SHROOM4: variants seen among roughly 807,000 people sequenced by gnomAD.
SHROOM4 encodes shroom family member 4.
SHROOM4 carries 17 observed loss-of-function variants against 80.3 expected under a neutral mutation model. That is an observed-to-expected ratio of 0.21 (90% CI 0.14 to 0.32). SHROOM4 has a LOEUF of 0.32. SHROOM4 is among the 10% of genes least tolerant of loss of function. The pLI, the probability that SHROOM4 is intolerant of heterozygous loss-of-function variation, is 1.00. For missense variants in SHROOM4, 993 were observed against 1,140.3 expected (o/e 0.87, Z 1.86); for synonymous variants, 400 against 437.5 (o/e 0.91, Z 1.07).
At chrX:50,644,059 TG>T (rs782607001) in intron 2 of SHROOM4, among the ~76,000 whole-genome samples, 315 of 112,081 alleles carry the variant, frequency 2.8e-3, no homozygotes, top group African/African-American at 6.0e-3. Context: ...TTTATATAGC[TG>T]GGGGCAAGTG....
At chrX:50,733,062 A>C (rs1934406394) in intron 1 of SHROOM4, among the ~76,000 whole-genome samples, 1 of 112,345 alleles carries the variant, frequency 8.9e-6, no homozygotes, top group Admixed American at 9.5e-5. Flanking sequence ...AGAATTATAA[A>C]ACATGGCAAG....
At chrX:50,612,033 T>A in intron 5 of SHROOM4, among the ~76,000 whole-genome samples, 1 of 110,553 alleles carries the variant, frequency 9.0e-6, no homozygotes, top group Non-Finnish European at 1.9e-5. Context: ...AAAAGAATCA[T>A]AAAAATAAAC....
intron 1 of SHROOM4, among the ~76,000 whole-genome samples, chrX:50,710,377 G>A (rs1170992369): frequency 7.2e-5 from 8 of 111,878 alleles, no homozygotes; most frequent in African/African-American, 2.6e-4. Context: ...CATGGATGCA[G>A]CTGGAAGTCA....
intron 5 of SHROOM4, among the ~76,000 whole-genome samples, chrX:50,610,185 C>A (rs1396183138): frequency 9.0e-6 from 1 of 111,364 alleles, no homozygotes; most frequent in Non-Finnish European, 1.9e-5. Context: ...TCCTCTTATC[C>A]CTCCCCCATT....
intron 1 of SHROOM4, among the ~76,000 whole-genome samples, chrX:50,795,812 C>T (rs148330544): frequency 9.6e-4 from 108 of 112,019 alleles, no homozygotes; most frequent in African/African-American, 3.4e-3. Flanking sequence ...TTCCATATGC[C>T]TCATTTTCTT....
chrX:50,580,919 C>T, the SHROOM4 span, among the ~76,000 whole-genome samples: 1 of 112,146 alleles, frequency 8.9e-6, no homozygotes, highest in Non-Finnish European at 1.9e-5. Context: ...TTGTCATTTC[C>T]TGAATACCAT....
At chrX:50,698,119 C>T (rs914312406) in intron 1 of SHROOM4, among the ~76,000 whole-genome samples, 1 of 112,451 alleles carries the variant, frequency 8.9e-6, no homozygotes, top group South Asian at 3.7e-4. Flanking sequence ...TACCATCTTT[C>T]GTTAATTAAA....
At position 50,708,828 on chromosome X, in the gene SHROOM4, A is replaced by T. The variant is rs1034140041; in HGVS notation, c.118-12891T>A. ...TATGACTTCTAAGCACATAAAAAAA[A>T]TTTAGAGGGAAGGACCAGCTGTTCT... is the stretch of plus-strand genomic sequence containing the variant. On this transcript the variant is annotated intron_variant, in intron 1 of 8. Transcript: ENST00000376020. Among the ~76,000 whole-genome samples, 7 of 111,800 alleles carry T rather than the reference A, an allele frequency of 6.3e-5. No homozygotes were observed. The East Asian group carries it at 1.1e-3, about 18-fold the overall frequency.
Position 50,598,377 on chromosome X carries a change from C to A in SHROOM4, c.4101G>T (p.Leu1367Phe), listed in dbSNP as rs28362302. 5,930 of 1,209,098 alleles carry A rather than the reference C, an allele frequency of 4.9e-3. 113 individuals carry two copies. The Admixed American group carries it at 0.074, about 15-fold the overall frequency. The change falls in exon 8 of 9, where the codon TTG (leucine) becomes TTT (phenylalanine). Residue 1367 changes from leucine (L) to phenylalanine (F), a missense_variant. Physicochemically the swap from Leu to Phe is conservative, Grantham distance 22. Coordinates refer to ENST00000376020, the MANE Select transcript of SHROOM4 (RefSeq NM_020717.5). ...CCACTTTGTCCAGGTCCCCAACAAA[C>A]AAGTGGTACTTTTCAAATTCATTGG... is the stretch of plus-strand genomic sequence containing the variant. ...CKSNEFEKYH[L>F]FVGDLDKVVN...
At chrX:50,620,885 T>C (rs1339045150) in intron 5 of SHROOM4, among the ~76,000 whole-genome samples, 1 of 111,567 alleles carries the variant, frequency 9.0e-6, no homozygotes, top group Non-Finnish European at 1.9e-5. Context: ...CCCATTTTTA[T>C]ATATATATTT....
At chrX:50,600,254 T>C (rs1287672556) in intron 7 of SHROOM4, among the ~76,000 whole-genome samples, 2 of 111,755 alleles carry the variant, frequency 1.8e-5, no homozygotes, top group Admixed American at 9.5e-5. Context: ...TCCAAACTAA[T>C]AGATACTTGT....
intron 1 of SHROOM4, among the ~76,000 whole-genome samples, chrX:50,729,287 T>G: frequency 9.0e-6 from 1 of 110,820 alleles, no homozygotes; most frequent in Non-Finnish European, 1.9e-5. Context: ...AAGAAAAGTA[T>G]GATAAAAATT....
Position 50,795,127 on chromosome X carries a change from GATAT to G in SHROOM4, c.117+18771_117+18774del, listed in dbSNP as rs1296594833. ...ATATATATATATGATATATATATAT[GATAT>G]ATATATATATATATGATATATATAT... On this transcript the variant is annotated intron_variant, in intron 1 of 8. Coordinates refer to ENST00000376020, the MANE Select transcript of SHROOM4 (RefSeq NM_020717.5). 5.6e-3 allele frequency among the ~76,000 whole-genome samples: 13 copies of G among 2,335 alleles called. 2 individuals are homozygous for G. Among genetic ancestry groups the G allele is most frequent in the Non-Finnish European group, 0.012 (10 of 853 alleles). 2.0% of individuals were successfully genotyped at this position (2,335 alleles called of 115,157 possible).
At chrX:50,791,653 G>A (rs1486493759) in intron 1 of SHROOM4, among the ~76,000 whole-genome samples, 1 of 93,625 alleles carries the variant, frequency 1.1e-5, no homozygotes, top group African/African-American at 4.2e-5. Context: ...TGGAATCCTA[G>A]GTTCAAGCAA....
intron 1 of SHROOM4, among the ~76,000 whole-genome samples, chrX:50,788,440 AC>A (rs1935789149): frequency 9.0e-6 from 1 of 110,971 alleles, no homozygotes; most frequent in South Asian, 3.8e-4. Context: ...CCCCGTCTCT[AC>A]TAAAAAATAC....
intron 5 of SHROOM4, among the ~76,000 whole-genome samples, chrX:50,618,277 C>CTCCTTCCTTCCTTCCTTCCTCCCT (rs1491188001): frequency 2.2e-5 from 1 of 44,912 alleles, no homozygotes; most frequent in Non-Finnish European, 4.9e-5. Context: ...CTCTTCTCTT[C>CTCCTTCCTTCCTTCCTTCCTCCCT]CCCTTCCTTC....
chrX:50,636,730 C>G (rs1266202573), intron 3 of SHROOM4, among the ~76,000 whole-genome samples: 1 of 111,533 alleles, frequency 9.0e-6, no homozygotes, highest in African/African-American at 3.3e-5. Flanking sequence ...CTACACTTCA[C>G]AATGGAAGAA....
intron 1 of SHROOM4, among the ~76,000 whole-genome samples, chrX:50,749,718 G>A (rs1934862060): frequency 8.9e-6 from 1 of 112,074 alleles, no homozygotes; most frequent in Admixed American, 9.5e-5. Context: ...GGATATTTAA[G>A]AAAGATAGTT....
chrX:50,654,625 A>G (rs1347075477), intron 2 of SHROOM4, among the ~76,000 whole-genome samples: 1 of 110,377 alleles, frequency 9.1e-6, no homozygotes, highest in Non-Finnish European at 1.9e-5. Flanking sequence ...TATTCTGTAT[A>G]TTAGATTTCC....
Sources: gnomAD v4.1 joint callset for allele counts (sites outside exome capture counted in the v4.1 genomes callset) on GRCh38, gnomAD v4.1.1 for gene constraint, MANE v1.5 for transcripts, NCBI Gene and HGNC (gene_info 2026-07-23, HGNC 2026-07-21) for gene names.